The following OXR1 variants were observed in gnomAD, a reference collection of about 807,000 sequenced individuals.
OXR1 encodes the protein oxidation resistance protein 1.
A neutral mutation model predicts 104.6 loss-of-function variants in OXR1; 41 were observed. The ratio of observed to expected loss-of-function variants is 0.39; its 90% confidence interval spans 0.31 to 0.51. The LOEUF (loss-of-function observed/expected upper bound fraction) is 0.51. OXR1 is among the 20% of genes least tolerant of loss of function. The pLI is 0.77. For synonymous variants in OXR1, 348 were observed against 348.4 expected, an observed-to-expected ratio of 1.00 and a Z score of 0.01; for missense variants, 955 against 1,031.9, an observed-to-expected ratio of 0.93 and a Z score of 1.02.
intron 3 of OXR1, among the ~76,000 whole-genome samples, chr8:106,524,399 T>G (rs1352389369): frequency 6.6e-6 from 1 of 152,202 alleles, no homozygotes; most frequent in Non-Finnish European, 1.5e-5. Context: ...GATTCCTCAC[T>G]TCAGGGAACT....
intron 3 of OXR1, among the ~76,000 whole-genome samples, chr8:106,606,615 A>G (rs917907088): frequency 1.3e-5 from 2 of 151,928 alleles, no homozygotes. Flanking sequence ...CCTGGCCACT[A>G]TGATACTCTT....
At chr8:106,293,964 AATTTTT>A (rs1812865572) in intron 1 of OXR1, among the ~76,000 whole-genome samples, 3 of 65,200 alleles carry the variant, frequency 4.6e-5, no homozygotes, top group East Asian at 9.5e-4. Context: ...ATGACAGTTT[AATTTTT>A]TTTTTTTTTT....
intron 4 of OXR1, among the ~76,000 whole-genome samples, chr8:106,681,073 A>C (rs1024065229): frequency 6.6e-6 from 1 of 152,146 alleles, no homozygotes; most frequent in Non-Finnish European, 1.5e-5. Context: ...GTTTTTCTGC[A>C]TCCTTTCTCT....
intron 3 of OXR1, among the ~76,000 whole-genome samples, chr8:106,525,656 T>C (rs1369018949): frequency 2.6e-5 from 4 of 152,238 alleles, no homozygotes; most frequent in African/African-American, 9.6e-5. Context: ...GCAGGGCTCC[T>C]GAATAGGTCC....
intron 3 of OXR1, among the ~76,000 whole-genome samples, chr8:106,551,718 C>T (rs892935905): frequency 2.7e-5 from 4 of 150,348 alleles, no homozygotes; most frequent in African/African-American, 7.3e-5. Flanking sequence ...GAGGCTGAGG[C>T]GGGAGGATCA....
chr8:106,473,065 G>A (rs1205927057), intron 2 of OXR1, among the ~76,000 whole-genome samples: 3 of 151,728 alleles, frequency 2.0e-5, no homozygotes, highest in East Asian at 1.9e-4. Flanking sequence ...ACCATAAAAC[G>A]TTTGACTAGG....
At chr8:106,670,553 G>A (rs1826838211) in intron 3 of OXR1, among the ~76,000 whole-genome samples, 1 of 152,118 alleles carries the variant, frequency 6.6e-6, no homozygotes, top group Non-Finnish European at 1.5e-5. Context: ...GAATTTTGTA[G>A]AAAGTTACAA....
At chr8:106,597,549 A>G (rs1407796495) in intron 3 of OXR1, among the ~76,000 whole-genome samples, 1 of 152,202 alleles carries the variant, frequency 6.6e-6, no homozygotes, top group African/African-American at 2.4e-5. Context: ...TGTTTTGGGT[A>G]TTTTATATTT....
chr8:106,473,578 G>A (rs564407311), intron 2 of OXR1, among the ~76,000 whole-genome samples: 48 of 151,862 alleles, frequency 3.2e-4, no homozygotes, highest in East Asian at 2.5e-3. Context: ...TACACAAAGC[G>A]TATGTCTGTT....
chr8:106,594,593 A>G lies in OXR1; in HGVS notation c.220+75454A>G, dbSNP rs549788831. ...CATCTGCCTTTCTGCCTTCAGTGTG[A>G]GTACATAATCTCTTCTCAGAGCAAG... On this transcript the variant is annotated intron_variant, in intron 3 of 16. Coordinates refer to ENST00000517566, the MANE Select transcript of OXR1 (RefSeq NM_001198533.2). Among the ~76,000 whole-genome samples the G allele has an allele frequency of 2.5e-4, 38 of 152,258 alleles. 1 individual carries two copies. The highest frequency in any genetic ancestry group is 8.7e-4 in the African/African-American group (36 of 41,542).
chr8:106,739,708 A>T (rs1834754176), intron 13 of OXR1, 125 bp downstream of exon 13: 2 of 848,182 alleles, frequency 2.4e-6, no homozygotes, highest in Non-Finnish European at 3.6e-6. Context: ...TCCAGTGAAA[A>T]GAAAGAGTAA....
At chr8:106,376,085 G>A (rs1816895748) in intron 2 of OXR1, among the ~76,000 whole-genome samples, 1 of 152,202 alleles carries the variant, frequency 6.6e-6, no homozygotes, top group African/African-American at 2.4e-5. Context: ...CTGGGCTCAA[G>A]TGCCCTTCTC....
At chr8:106,670,437 G>C (rs1826821351) in intron 3 of OXR1, among the ~76,000 whole-genome samples, 1 of 152,182 alleles carries the variant, frequency 6.6e-6, no homozygotes, top group Non-Finnish European at 1.5e-5. Flanking sequence ...ATAGGCACAT[G>C]ACAAGATATG....
intron 7 of OXR1, among the ~76,000 whole-genome samples, chr8:106,700,097 G>A (rs1830453343): frequency 6.6e-6 from 1 of 151,940 alleles, no homozygotes; most frequent in South Asian, 2.1e-4. Flanking sequence ...AGATTAGTCA[G>A]GTAATTGCAC....
At chr8:106,491,854 AAC>A (rs1166380490) in intron 2 of OXR1, among the ~76,000 whole-genome samples, 6 of 152,220 alleles carry the variant, frequency 3.9e-5, no homozygotes, top group African/African-American at 1.4e-4. Context: ...ATCAATGCTT[AAC>A]ACATGCTAAG....
intron 1 of OXR1, among the ~76,000 whole-genome samples, chr8:106,339,699 C>G (rs985525441): frequency 6.6e-6 from 1 of 150,508 alleles, no homozygotes. Flanking sequence ...GTGTCAGGGC[C>G]TTTATTCATT....
intron 12 of OXR1, 150 bp downstream of exon 12, chr8:106,737,750 G>A (rs1303477492): frequency 3.8e-5 from 15 of 398,740 alleles, no homozygotes; most frequent in South Asian, 1.3e-4. Context: ...TAGTATTGCC[G>A]TGAAGAGCTG....
intron 16 of OXR1, 76 bp downstream of exon 16, chr8:106,745,938 T>C (rs1285756228): frequency 3.7e-6 from 3 of 816,110 alleles, no homozygotes; most frequent in Non-Finnish European, 6.2e-6. Flanking sequence ...ATAAATTCAG[T>C]TGTCTTTAGA....
rs139668258 is a variant in OXR1, at chr8:106,423,550, G to T, written c.23+63914G>T. Among the ~76,000 whole-genome samples, 6 of 152,274 alleles carry T rather than the reference G, an allele frequency of 3.9e-5. No individual in the cohort carries two copies. In the East Asian group the frequency reaches 1.2e-3, roughly 29 times the overall value. On this transcript the variant is annotated intron_variant, in intron 2 of 16. Transcript: ENST00000517566. ...TAATCCAAAGATGGTTCTAAACAGA[G>T]TTTATTCTCTCAGCCTCTGTTCTGC...
Sources: allele counts gnomAD v4.1 joint callset (sites outside exome capture counted in the v4.1 genomes callset), GRCh38; gene constraint gnomAD v4.1.1; transcripts MANE v1.5; gene names NCBI Gene and HGNC (gene_info 2026-07-23, HGNC 2026-07-21).